The following ALDH1A2 variants were observed in gnomAD, a reference collection of about 807,000 sequenced individuals.
The protein encoded by ALDH1A2 is retinal dehydrogenase 2.
In ALDH1A2, 27 loss-of-function variants were observed where a neutral mutation model predicts 60.3. The observed-to-expected ratio is 0.45, with a 90% CI of 0.33 to 0.62. ALDH1A2 has a LOEUF of 0.62. Among genes scored for constraint, ALDH1A2 ranks in the 20% least tolerant of loss-of-function variants. ALDH1A2 has a pLI of 0.02. For missense variants in ALDH1A2, 581 were observed against 643.8 expected (o/e 0.90, Z 1.06); for synonymous variants, 289 against 232.4 (o/e 1.24, Z -2.21).
chr15:57,965,082 C>T (rs34326448), intron 8 of ALDH1A2, among the ~76,000 whole-genome samples: 85 of 151,998 alleles, frequency 5.6e-4, no homozygotes, highest in African/African-American at 1.9e-3. Flanking sequence ...CAAACAGAAA[C>T]GTCACACCTG....
chr15:57,964,094 T>C, intron 8 of ALDH1A2, 25 bp from the exon 9 acceptor site: 1 of 1,613,490 alleles, frequency 6.2e-7, no homozygotes, highest in Non-Finnish European at 8.5e-7. Context: ...AGCCATGTTC[T>C]CACCGCTTTG....
chr15:58,010,595 C>A lies in ALDH1A2; in HGVS notation c.493+54G>T, dbSNP rs140075793. The A allele has an allele frequency of 5.6e-6, 9 of 1,604,886 alleles. No homozygotes were observed. In the African/African-American group the frequency reaches 1.1e-4, roughly 19 times the overall value. On this transcript the variant is annotated intron_variant, in intron 4 of 12. Coordinates refer to ENST00000249750, the MANE Select transcript of ALDH1A2 (RefSeq NM_003888.4). ...TGCTGTTTGTGTTTGGTGGCCAAAG[C>A]GCATTTCTGGTGGTTTCACGTTTTC... is the stretch of plus-strand genomic sequence containing the variant.
intron 4 of ALDH1A2, among the ~76,000 whole-genome samples, 178 bp downstream of exon 4, chr15:58,010,471 T>C (rs1453678504): frequency 2.6e-5 from 4 of 152,150 alleles, no homozygotes; most frequent in African/African-American, 9.7e-5. Context: ...TTTCTATCTA[T>C]AGAAAAAGGG....
At chr15:58,055,046 G>C (rs1429585711) in intron 1 of ALDH1A2, among the ~76,000 whole-genome samples, 6 of 151,998 alleles carry the variant, frequency 3.9e-5, no homozygotes, top group African/African-American at 1.4e-4. Flanking sequence ...CTGGGCTTGG[G>C]GTTTCCTATG....
At chr15:58,031,188 C>T (rs1430307095) in intron 1 of ALDH1A2, among the ~76,000 whole-genome samples, 2 of 152,134 alleles carry the variant, frequency 1.3e-5, no homozygotes, top group Non-Finnish European at 2.9e-5. Context: ...TGGAACACAA[C>T]AGAGGCCTCA....
chr15:58,004,645 C>A (rs1194787575), intron 4 of ALDH1A2, among the ~76,000 whole-genome samples: 3 of 150,066 alleles, frequency 2.0e-5, no homozygotes, highest in Non-Finnish European at 4.4e-5. Flanking sequence ...CATGTTGCTG[C>A]AAAAGAAATG....
intron 12 of ALDH1A2, 33 bp downstream of exon 12, chr15:57,960,737 T>C (rs1443421862): frequency 1.3e-6 from 2 of 1,576,424 alleles, no homozygotes; most frequent in East Asian, 2.2e-5. Flanking sequence ...TGCAATCTAT[T>C]TCTCTGCAGG....
chr15:57,995,900 G>C (rs1244192228), intron 4 of ALDH1A2, among the ~76,000 whole-genome samples: 4 of 152,104 alleles, frequency 2.6e-5, no homozygotes, highest in African/African-American at 9.7e-5. Context: ...TTAGGAAAAT[G>C]TCATTGCTTT....
intron 4 of ALDH1A2, among the ~76,000 whole-genome samples, chr15:58,007,272 G>A (rs938247703): frequency 5.9e-5 from 9 of 151,820 alleles, no homozygotes; most frequent in Admixed American, 4.6e-4. Flanking sequence ...CAGTGTTCGT[G>A]ACAACTTTAT....
At chr15:58,056,387 A>G (rs796394181) in intron 1 of ALDH1A2, among the ~76,000 whole-genome samples, 2 of 152,122 alleles carry the variant, frequency 1.3e-5, no homozygotes, top group African/African-American at 4.8e-5. Context: ...TGACTTTCCA[A>G]TGCTACATCA....
At chr15:57,981,118 T>G (rs1566936602) in intron 7 of ALDH1A2, among the ~76,000 whole-genome samples, 1 of 152,208 alleles carries the variant, frequency 6.6e-6, no homozygotes. Flanking sequence ...TTTCTCTTTA[T>G]TAGTCTGGCT....
intron 1 of ALDH1A2, among the ~76,000 whole-genome samples, chr15:58,023,185 A>G (rs1895980744): frequency 1.3e-5 from 2 of 152,216 alleles, no homozygotes; most frequent in Non-Finnish European, 2.9e-5. Flanking sequence ...AGAATAATTC[A>G]TTGAAGGGAA....
intron 1 of ALDH1A2, among the ~76,000 whole-genome samples, chr15:58,056,625 G>A (rs2140578989): frequency 6.6e-6 from 1 of 152,150 alleles, no homozygotes; most frequent in Middle Eastern, 3.4e-3. Context: ...AAAGTTACAA[G>A]AGGAAAGAAA....
chr15:58,037,358 T>G (rs991899836), intron 1 of ALDH1A2, among the ~76,000 whole-genome samples: 2 of 151,616 alleles, frequency 1.3e-5, no homozygotes, highest in South Asian at 4.1e-4. Context: ...TGAAAAATAC[T>G]GTAGAGGAAA....
Position 58,065,603 on chromosome 15 carries a change from G to A in ALDH1A2, c.48C>T (p.Pro16=), listed in dbSNP as rs1897156823. The change falls in exon 1 of 13, where the codon CCC becomes CCT. Residue 16 remains proline, a synonymous_variant. Coordinates refer to ENST00000249750, the MANE Select transcript of ALDH1A2 (RefSeq NM_003888.4). ...GGTGCAGCGACGCCATGAGGGCGGCGGGGTCGGCCTTCACCTCGCCGGGCA... is the reference window on the plus strand; with the variant it reads ...GGTGCAGCGACGCCATGAGGGCGGCAGGGTCGGCCTTCACCTCGCCGGGCA... ...IEMPGEVKAD[P]AALMASLHLL... is the part of the protein sequence containing the mutation. 3.7e-6 allele frequency: 6 copies of A among 1,611,546 alleles called. No individual in the cohort carries two copies. The highest frequency in any genetic ancestry group is 4.2e-6 in the Non-Finnish European group (5 of 1,178,666).
chr15:58,037,035 G>C (rs1374186873), intron 1 of ALDH1A2, among the ~76,000 whole-genome samples: 4 of 151,622 alleles, frequency 2.6e-5, no homozygotes, highest in African/African-American at 9.7e-5. Flanking sequence ...TAACAAAGAA[G>C]AAAGAAATGG....
intron 1 of ALDH1A2, among the ~76,000 whole-genome samples, chr15:58,040,909 A>G (rs1483114902): frequency 6.6e-6 from 1 of 151,912 alleles, no homozygotes; most frequent in Non-Finnish European, 1.5e-5. Context: ...TAGGAAAGTC[A>G]GGCACAAAAA....
intron 4 of ALDH1A2, among the ~76,000 whole-genome samples, chr15:58,002,868 T>A (rs528909998): frequency 1.3e-5 from 2 of 151,980 alleles, no homozygotes; most frequent in African/African-American, 4.8e-5. Flanking sequence ...CCATTATGTA[T>A]GTACTGTAGC....
chr15:57,997,857 G>C (rs1566943173), intron 4 of ALDH1A2, among the ~76,000 whole-genome samples: 1 of 151,936 alleles, frequency 6.6e-6, no homozygotes, highest in African/African-American at 2.4e-5. Context: ...CAGGGAAAGA[G>C]ACAGAATCTT....
Sources: gnomAD v4.1 joint callset for allele counts (sites outside exome capture counted in the v4.1 genomes callset) on GRCh38, gnomAD v4.1.1 for gene constraint, MANE v1.5 for transcripts, NCBI Gene and HGNC (gene_info 2026-07-23, HGNC 2026-07-21) for gene names.